The following SCAMP1 variants were observed in gnomAD, a reference collection of about 807,000 sequenced individuals.
SCAMP1 encodes the protein secretory carrier-associated membrane protein 1.
In SCAMP1, 15 loss-of-function variants were observed where a neutral mutation model predicts 41.8. That is an observed-to-expected ratio of 0.36 (90% CI 0.24 to 0.55). The LOEUF (loss-of-function observed/expected upper bound fraction) is 0.55. SCAMP1 is among the 20% of genes least tolerant of loss of function. SCAMP1 has a pLI of 0.86. For missense variants in SCAMP1, 341 were observed against 412.6 expected, an observed-to-expected ratio of 0.83 and a Z score of 1.50; for synonymous variants, 135 against 136.8, an observed-to-expected ratio of 0.99 and a Z score of 0.09.
intron 8 of SCAMP1, among the ~76,000 whole-genome samples, chr5:78,472,163 GT>G (rs765629978): frequency 1.4e-3 from 212 of 152,182 alleles, no homozygotes; most frequent in Middle Eastern, 6.8e-3. Context: ...GTGCAACTTG[GT>G]GATAATTGTG....
chr5:78,457,966 CCTTT>C (rs1753472821), intron 7 of SCAMP1: 1 of 152,824 alleles, frequency 6.5e-6, no homozygotes, highest in African/African-American at 2.4e-5. Context: ...GTCTGTCACC[CCTTT>C]CTTTGACTCG....
chr5:78,445,743 A>G (rs1267941186), intron 6 of SCAMP1, among the ~76,000 whole-genome samples: 3 of 152,058 alleles, frequency 2.0e-5, no homozygotes, highest in Non-Finnish European at 4.4e-5. Flanking sequence ...CCTTCCCTCA[A>G]GCATCTGAAA....
chr5:78,428,623 C>G (rs1268207423), intron 6 of SCAMP1, among the ~76,000 whole-genome samples: 2 of 151,914 alleles, frequency 1.3e-5, no homozygotes, highest in East Asian at 3.8e-4. Context: ...TTGGACTCAG[C>G]CTGTTTCTAC....
chr5:78,437,941 G>T (rs1430171513), intron 6 of SCAMP1, among the ~76,000 whole-genome samples: 1 of 152,116 alleles, frequency 6.6e-6, no homozygotes, highest in Non-Finnish European at 1.5e-5. Flanking sequence ...GTTTAGTCTT[G>T]GGAGGGTGTA....
intron 1 of SCAMP1, among the ~76,000 whole-genome samples, chr5:78,378,579 AT>A (rs372422760): frequency 1.3e-5 from 2 of 152,234 alleles, no homozygotes; most frequent in African/African-American, 4.8e-5. Flanking sequence ...TTGGAAAAAC[AT>A]TTGTTTTCAT....
intron 2 of SCAMP1, among the ~76,000 whole-genome samples, chr5:78,394,475 G>A (rs999961957): frequency 3.9e-5 from 6 of 151,954 alleles, no homozygotes; most frequent in African/African-American, 1.5e-4. Flanking sequence ...CTCCTGTGTT[G>A]TCCTCCCAAA....
At position 78,413,633 on chromosome 5, in the gene SCAMP1, G is replaced by A. The variant is rs1295437158; in HGVS notation, c.136-1887G>A. On this transcript the variant is annotated intron_variant, in intron 2 of 8. Transcript: ENST00000621999. ...AGGTTTCACCATGTTGCCCAGGGTG[G>A]TCTCGAACTCCTGAGCTCAGGCGAT... is the stretch of plus-strand genomic sequence containing the variant. Among the ~76,000 whole-genome samples the A allele has an allele frequency of 2.0e-5, 3 of 152,188 alleles. No individual in the cohort carries two copies. The East Asian group carries it at 5.8e-4, about 29-fold the overall frequency.
chr5:78,418,737 T>A, intron 4 of SCAMP1, 38 bp from the exon 5 acceptor site: 1 of 1,263,784 alleles, frequency 7.9e-7, no homozygotes. Flanking sequence ...TTTGTTATAA[T>A]ATAAATAACC....
chr5:78,407,275 T>C (rs1487560136), intron 2 of SCAMP1, among the ~76,000 whole-genome samples: 1 of 152,228 alleles, frequency 6.6e-6, no homozygotes. Flanking sequence ...CAGTATTTAT[T>C]GTTATTATTT....
At chr5:78,441,650 C>T (rs987430163) in intron 6 of SCAMP1, among the ~76,000 whole-genome samples, 1 of 152,080 alleles carries the variant, frequency 6.6e-6, no homozygotes, top group Non-Finnish European at 1.5e-5. Flanking sequence ...CCCGTCTCTA[C>T]TAAAATTACA....
At chr5:78,427,494 G>C (rs1752496891) in intron 6 of SCAMP1, among the ~76,000 whole-genome samples, 1 of 152,068 alleles carries the variant, frequency 6.6e-6, no homozygotes, top group Admixed American at 6.6e-5. Context: ...GTCTGTCTAT[G>C]GCCATATATT....
rs138333897 is a variant in SCAMP1, at chr5:78,467,224, G to A, written c.852+7862G>A. 5.1e-3 allele frequency among the ~76,000 whole-genome samples: 773 copies of A among 152,256 alleles called. 7 individuals carry two copies. The highest frequency in any genetic ancestry group is 0.018 in the African/African-American group (729 of 41,542). Reference sequence around the variant, plus strand: ...CTAGAAAGTGTATGGAGTCAGAAGAGGGCTTTGGGGAGAATACTCACAACA... The same window carrying A: ...CTAGAAAGTGTATGGAGTCAGAAGAAGGCTTTGGGGAGAATACTCACAACA... On this transcript the variant is annotated intron_variant, in intron 8 of 8. Transcript: ENST00000621999.
rs114395089 is a variant in SCAMP1 at position 78,449,927 on chromosome 5, T to C, written c.633-6T>C. Reference sequence around the variant, plus strand: ...TTTTTTCTTTCTTTCTTTTTTTTTTTCAAAGGAGTGACAGTTCATTTAGAT... The same window carrying C: ...TTTTTTCTTTCTTTCTTTTTTTTTTCCAAAGGAGTGACAGTTCATTTAGAT... On this transcript the variant is annotated splice_polypyrimidine_tract_variant and splice_region_variant and intron_variant, in intron 6 of 8. Transcript: ENST00000621999. 4,206 of 1,472,058 alleles carry C rather than the reference T, an allele frequency of 2.9e-3. 107 individuals carry two copies. In the African/African-American group the frequency reaches 0.054, roughly 19 times the overall value. 91.2% of individuals were successfully genotyped at this position (1,472,058 alleles called of 1,614,324 possible). A position where few individuals can be genotyped will look rare whatever the true frequency, so the allele number is the denominator to read the frequency against.
chr5:78,447,790 T>TTTC (rs936656649), intron 6 of SCAMP1, among the ~76,000 whole-genome samples: 1 of 63,564 alleles, frequency 1.6e-5, no homozygotes, highest in East Asian at 2.4e-4. Flanking sequence ...CAAAAGAAAC[T>TTTC]TTCTTCTTCT....
chr5:78,368,617 C>T (rs1750858548), intron 1 of SCAMP1, among the ~76,000 whole-genome samples: 2 of 152,232 alleles, frequency 1.3e-5, no homozygotes, highest in South Asian at 4.1e-4. Context: ...GGGTATTCTT[C>T]TCAATTGCAA....
intron 6 of SCAMP1, among the ~76,000 whole-genome samples, chr5:78,446,322 T>A (rs2112199501): frequency 6.6e-6 from 1 of 152,332 alleles, no homozygotes; most frequent in Admixed American, 6.5e-5. Context: ...GAAATTACAG[T>A]TAGGCAGTTT....
chr5:78,415,395 T>A, intron 2 of SCAMP1, 125 bp from the exon 3 acceptor site: 1 of 623,020 alleles, frequency 1.6e-6, no homozygotes, highest in Non-Finnish European at 2.9e-6. Flanking sequence ...CACTTGACTA[T>A]GAGAGAGCAG....
chr5:78,453,715 C>T (rs1753304846), intron 7 of SCAMP1, among the ~76,000 whole-genome samples: 1 of 152,200 alleles, frequency 6.6e-6, no homozygotes, highest in African/African-American at 2.4e-5. Context: ...TTTTCCAGTT[C>T]TGTGAAGAAA....
chr5:78,455,635 T>C (rs1447817262), intron 7 of SCAMP1, among the ~76,000 whole-genome samples: 7 of 122,384 alleles, frequency 5.7e-5, no homozygotes, highest in Non-Finnish European at 1.2e-4. Flanking sequence ...AGGTGTGGTG[T>C]GGTGCTGAAA....
Sources: gnomAD v4.1 joint callset for allele counts (sites outside exome capture counted in the v4.1 genomes callset) on GRCh38, gnomAD v4.1.1 for gene constraint, MANE v1.5 for transcripts, NCBI Gene and HGNC (gene_info 2026-07-23, HGNC 2026-07-21) for gene names.